Variants in PLXNA2 observed in about 807,000 individuals in gnomAD.
PLXNA2 encodes the protein plexin A2, also known as plexin-A2.
In PLXNA2, 91 loss-of-function variants were observed where a neutral mutation model predicts 193.5. The ratio of observed to expected loss-of-function variants is 0.47; its 90% CI spans 0.40 to 0.56. The LOEUF (loss-of-function observed/expected upper bound fraction) is 0.56, where lower values mean the gene tolerates loss of function less well. Ranked by LOEUF, PLXNA2 falls within the 20% of genes least tolerant of loss-of-function variation. The pLI, the probability that PLXNA2 is intolerant of heterozygous loss-of-function variation, is 0.00. For synonymous variants in PLXNA2, 997 were observed against 1,027.3 expected, an observed-to-expected ratio of 0.97 and a Z score of 0.56; for missense variants, 1,995 against 2,503.2, an observed-to-expected ratio of 0.80 and a Z score of 4.33.
rs568129957 is a variant in PLXNA2, at chr1:208,153,676, T to A, written c.1372-11213A>T. Among the ~76,000 whole-genome samples the A allele has an allele frequency of 2.6e-5, 4 of 152,140 alleles. No individual in the cohort carries two copies. The South Asian group carries it at 8.3e-4, about 32-fold the overall frequency. ...GACAGGTGGAAAGCAAGAATTGAGG[T>A]TACGAAGATGAGGTCAGAGTTGGGG... is the stretch of plus-strand genomic sequence containing the variant. On this transcript the variant is annotated intron_variant, in intron 3 of 31. Transcript: ENST00000367033.
intron 1 of PLXNA2, among the ~76,000 whole-genome samples, chr1:208,227,973 A>G (rs1281123225): frequency 1.3e-5 from 2 of 152,230 alleles, no homozygotes; most frequent in Non-Finnish European, 2.9e-5. Context: ...TCTAATTTAT[A>G]CTACTGGGAG....
At chr1:208,214,142 A>G (rs1323401907) in intron 2 of PLXNA2, among the ~76,000 whole-genome samples, 3 of 151,808 alleles carry the variant, frequency 2.0e-5, no homozygotes, top group African/African-American at 7.3e-5. Context: ...AAAAAAAACC[A>G]AAGACTATCT....
chr1:208,179,985 T>C (rs2102545287), intron 3 of PLXNA2, among the ~76,000 whole-genome samples: 1 of 152,082 alleles, frequency 6.6e-6, no homozygotes, highest in African/African-American at 2.4e-5. Flanking sequence ...AACAAGCAAA[T>C]ACCCAAGCCC....
chr1:208,107,850 C>G (rs1377276909), intron 4 of PLXNA2, among the ~76,000 whole-genome samples: 1 of 152,042 alleles, frequency 6.6e-6, no homozygotes, highest in African/African-American at 2.4e-5. Flanking sequence ...TTCTCCTGCC[C>G]CCTATGGCCT....
chr1:208,113,436 C>T (rs991179511), intron 4 of PLXNA2, among the ~76,000 whole-genome samples: 2 of 152,204 alleles, frequency 1.3e-5, no homozygotes, highest in African/African-American at 4.8e-5. Flanking sequence ...CTAACAGGAC[C>T]CCATCTCAGG....
chr1:208,111,059 AT>A (rs999035882), intron 4 of PLXNA2, among the ~76,000 whole-genome samples: 7 of 151,316 alleles, frequency 4.6e-5, no homozygotes, highest in African/African-American at 9.7e-5. Flanking sequence ...TCCCTAAGGG[AT>A]TTTTTTTTAA....
At position 208,028,835 on chromosome 1, in the gene PLXNA2, C is replaced by T. The variant is rs758975356; in HGVS notation, c.5433G>A (p.Val1811=). The T allele has an allele frequency of 5.0e-6, 8 of 1,613,456 alleles. No individual in the cohort carries two copies. Among genetic ancestry groups the T allele is most frequent in the Admixed American group, 1.7e-5 (1 of 60,020 alleles). ...GTCCTGAGGGTGCTACTGACCTCTC[C>T]ACCCAGCTCTTGTAGCTGGGGATGT... ...AKDIPSYKSW[V]ERYYADIAKL... The change falls in exon 30 of 32, where the codon GTG becomes GTA. Residue 1811 remains valine (V), a synonymous_variant. Coordinates refer to ENST00000367033, the MANE Select transcript of PLXNA2 (RefSeq NM_025179.4). The surrounding 1 kb of genome is among the most constrained non-coding windows in gnomAD (Gnocchi z 4.2).
At position 208,051,081 on chromosome 1, in the gene PLXNA2, G is replaced by A. The variant is rs370351896; in HGVS notation, c.3183C>T (p.Ile1061=). The change falls in exon 17 of 32, where the codon ATC becomes ATT. Residue 1061 remains isoleucine (I), a synonymous_variant. Coordinates refer to ENST00000367033, the MANE Select transcript of PLXNA2 (RefSeq NM_025179.4). ...SIASGHTPLT[I]TGFNLDVIQE... ...GAATGACATCCAGGTTGAAGCCTGT[G>A]ATGGTCAGGGGTGTGTGGCCACTGA... is the stretch of plus-strand genomic sequence containing the variant. 1.7e-5 allele frequency: 28 copies of A among 1,613,962 alleles called. No individual in the cohort carries two copies. Among genetic ancestry groups the A allele is most frequent in the Non-Finnish European group, 2.1e-5 (25 of 1,179,934 alleles).
rs1157015689 is a variant in PLXNA2, at chr1:208,054,526, C to T, written c.2751G>A (p.Glu917=). The change falls in exon 14 of 32, where the codon GAG becomes GAA. Residue 917 remains glutamate (E), a synonymous_variant. Transcript: ENST00000367033. ...TGGTTCCCACGAGGGCATGGCCCAT[C>T]TCACAGACAATCCTGGGGAGAAAGC... ...EYIIAEQIVC[E]MGHALVGTTS... 1.7e-5 allele frequency: 27 copies of T among 1,613,518 alleles called. No individual in the cohort carries two copies. Among genetic ancestry groups the T allele is most frequent in the Non-Finnish European group, 2.3e-5 (27 of 1,179,516 alleles).
chr1:208,186,848 T>C (rs1208308474), intron 3 of PLXNA2, among the ~76,000 whole-genome samples: 2 of 150,614 alleles, frequency 1.3e-5, no homozygotes, highest in African/African-American at 2.5e-5. Context: ...GCCTCCCGAG[T>C]AGCTGGGACT....
intron 3 of PLXNA2, among the ~76,000 whole-genome samples, chr1:208,180,243 T>A (rs1572003725): frequency 6.7e-6 from 1 of 149,734 alleles, no homozygotes; most frequent in African/African-American, 2.5e-5. Flanking sequence ...GGTAGGAGAG[T>A]AAAGGCCATT....
intron 11 of PLXNA2, among the ~76,000 whole-genome samples, chr1:208,080,393 T>C (rs929382354): frequency 6.6e-6 from 1 of 152,208 alleles, no homozygotes; most frequent in Non-Finnish European, 1.5e-5. Flanking sequence ...TGCTTCAGGT[T>C]CAGGAACCTG....
rs1664320227 is a variant in PLXNA2, at chr1:208,025,612, A to G, written c.*1631T>C. On this transcript the variant is annotated 3_prime_UTR_variant, in exon 32 of 32. Transcript: ENST00000367033. ...GAGCTGGCTGCTCGGATCCAAGGTA[A>G]TGTGGGAGGCCTGGACACTCTGATG... 1 of 152,280 alleles carries G rather than the reference A, an allele frequency of 6.6e-6. No homozygotes were observed. The highest frequency in any genetic ancestry group is 2.4e-5 in the African/African-American group (1 of 41,440). 9.4% of individuals were successfully genotyped at this position (152,280 alleles called of 1,614,324 possible).
intron 12 of PLXNA2, 66 bp downstream of exon 12, chr1:208,079,194 C>T: frequency 7.2e-7 from 1 of 1,382,582 alleles, no homozygotes; most frequent in Non-Finnish European, 1.0e-6. Flanking sequence ...ATTTGCACTC[C>T]TCTCCCACTG....
intron 3 of PLXNA2, among the ~76,000 whole-genome samples, chr1:208,188,915 C>T (rs1670089432): frequency 6.6e-6 from 1 of 152,066 alleles, no homozygotes; most frequent in Non-Finnish European, 1.5e-5. Flanking sequence ...TAGAGCAATG[C>T]TTATGTACTC....
At chr1:208,168,743 T>TTTTTTTTTTTTTTTTTTTTTC (rs1669394956) in intron 3 of PLXNA2, among the ~76,000 whole-genome samples, 1 of 143,584 alleles carries the variant, frequency 7.0e-6, no homozygotes, top group Non-Finnish European at 1.5e-5. Context: ...TTTTTTTTTT[T>TTTTTTTTTTTTTTTTTTTTTC]TTTTTTTTAG....
At chr1:208,234,736 G>C (rs1001149491) in intron 1 of PLXNA2, among the ~76,000 whole-genome samples, 4 of 152,170 alleles carry the variant, frequency 2.6e-5, no homozygotes, top group African/African-American at 2.4e-5. Flanking sequence ...AAGGAAGAGA[G>C]AGATGGGGGA....
intron 12 of PLXNA2, among the ~76,000 whole-genome samples, chr1:208,068,533 C>G (rs562242461): frequency 1.3e-5 from 2 of 152,320 alleles, no homozygotes; most frequent in East Asian, 3.9e-4. Context: ...GTTTCTAAAC[C>G]CTTTGATCAT....
At chr1:208,072,729 A>G (rs1666014310) in intron 12 of PLXNA2, among the ~76,000 whole-genome samples, 2 of 152,178 alleles carry the variant, frequency 1.3e-5, no homozygotes, top group South Asian at 4.1e-4. Flanking sequence ...CACATGCCCC[A>G]ATATCCCCTT....
Sources: allele counts gnomAD v4.1 joint callset (sites outside exome capture counted in the v4.1 genomes callset), GRCh38; gene constraint gnomAD v4.1.1; non-coding constraint Gnocchi (gnomAD v3.1); transcripts MANE v1.5; gene names NCBI Gene and HGNC (gene_info 2026-07-23, HGNC 2026-07-21).